The following CFAP43 variants were observed in gnomAD, a reference collection of about 807,000 sequenced individuals.
CFAP43 encodes the protein cilia and flagella associated protein 43.
A neutral mutation model predicts 218.9 loss-of-function variants in CFAP43; 155 were observed. The ratio of observed to expected loss-of-function variants is 0.71; its 90% CI spans 0.62 to 0.81. The LOEUF (loss-of-function observed/expected upper bound fraction) is 0.81, where lower values mean the gene tolerates loss of function less well. Among genes scored for constraint, CFAP43 ranks in the 30% least tolerant of loss-of-function variants. The pLI, the probability that CFAP43 is intolerant of heterozygous loss-of-function variation, is 0.00. For synonymous variants in CFAP43, 645 were observed against 681.3 expected (o/e 0.95, Z 0.83); for missense variants, 1,778 against 1,954.3 (o/e 0.91, Z 1.70).
At position 104,193,840 on chromosome 10, in the gene CFAP43, C is replaced by A. The variant is rs760729378; in HGVS notation, c.1442+26G>T. On this transcript the variant is annotated intron_variant, in intron 11 of 37. Coordinates refer to ENST00000357060, the MANE Select transcript of CFAP43 (RefSeq NM_025145.7). ...TCAACAGACGGGTGTGACACGGAGC[C>A]GCTCCTGGAGGCAGAAAGGACTTAC... 4 of 1,607,132 alleles carry A rather than the reference C, an allele frequency of 2.5e-6. No individual in the cohort carries two copies. In the South Asian group the frequency reaches 3.3e-5, roughly 13 times the overall value.
intron 18 of CFAP43, 41 bp from the exon 19 acceptor site, chr10:104,179,147 A>G (rs771444649): frequency 4.0e-6 from 6 of 1,499,680 alleles, no homozygotes; most frequent in African/African-American, 1.5e-5. Flanking sequence ...AGCAAGAGAA[A>G]TATCAGACAG....
At position 104,164,222 on chromosome 10, in the gene CFAP43, G is replaced by A. The variant is rs756724258; in HGVS notation, c.3118C>T (p.Arg1040Cys). The stretch of plus-strand genomic sequence containing the variant: ...ATTCGAACATTTCTTTCCTTCACGC[G>A]TGCAATTTCAAACTCTTTTTGTTTA... ...AYKQKEFEIA[R>C]VKERNVRIRE... The change falls in exon 24 of 38, where the codon CGC becomes TGC. Residue 1040 changes from arginine to cysteine, a missense_variant. Transcript: ENST00000357060. 6.2e-6 allele frequency: 10 copies of A among 1,613,714 alleles called. No homozygotes were observed. The highest frequency in any genetic ancestry group is 8.5e-6 in the Non-Finnish European group (10 of 1,179,900).
chr10:104,134,007 G>A (rs1458526954), intron 34 of CFAP43, among the ~76,000 whole-genome samples: 1 of 152,096 alleles, frequency 6.6e-6, no homozygotes, highest in East Asian at 1.9e-4. Flanking sequence ...TTAAATAGCA[G>A]AGCCAATTTA....
chr10:104,156,216 C>G (rs2088534417), intron 27 of CFAP43, among the ~76,000 whole-genome samples: 1 of 152,030 alleles, frequency 6.6e-6, no homozygotes. Flanking sequence ...GACACACCAG[C>G]CTCTTCCCCA....
intron 1 of CFAP43, among the ~76,000 whole-genome samples, chr10:104,231,652 T>C (rs776294844): frequency 3.4e-4 from 52 of 152,054 alleles, no homozygotes; most frequent in Admixed American, 5.2e-4. Flanking sequence ...CACTCTAGAA[T>C]GTAGGGGAAA....
intron 26 of CFAP43, among the ~76,000 whole-genome samples, chr10:104,161,631 GTA>G (rs2088878871): frequency 1.3e-5 from 2 of 152,090 alleles, no homozygotes; most frequent in Non-Finnish European, 2.9e-5. Flanking sequence ...GTCTAACGTG[GTA>G]TGTTTTTGGT....
intron 20 of CFAP43, among the ~76,000 whole-genome samples, chr10:104,169,122 C>A (rs1219399622): frequency 6.6e-6 from 1 of 152,142 alleles, no homozygotes; most frequent in Non-Finnish European, 1.5e-5. Flanking sequence ...GGGTTGCATA[C>A]ACGAGTGAAG....
chr10:104,195,449 A>G (rs1485127073), intron 10 of CFAP43, among the ~76,000 whole-genome samples: 1 of 152,240 alleles, frequency 6.6e-6, no homozygotes, highest in African/African-American at 2.4e-5. Flanking sequence ...CCTTGGTCAC[A>G]TAGACTATGG....
chr10:104,141,107 A>G, intron 33 of CFAP43, 106 bp from the exon 34 acceptor site: 1 of 1,149,058 alleles, frequency 8.7e-7, no homozygotes, highest in Non-Finnish European at 1.2e-6. Flanking sequence ...CATGCTGGAG[A>G]TTAGTGTGGA....
At chr10:104,158,729 T>C (rs2088710731) in intron 27 of CFAP43, among the ~76,000 whole-genome samples, 1 of 152,192 alleles carries the variant, frequency 6.6e-6, no homozygotes, top group Non-Finnish European at 1.5e-5. Context: ...ATTAAGCTTC[T>C]TTTGTATGAT....
intron 32 of CFAP43, 71 bp from the exon 33 acceptor site, chr10:104,142,464 C>T: frequency 2.5e-6 from 3 of 1,178,300 alleles, no homozygotes; most frequent in Non-Finnish European, 3.6e-6. Flanking sequence ...CATCTTTTAA[C>T]TTTTTAAATT....
rs548747966 is a variant in CFAP43 at position 104,210,852 on chromosome 10, G to A, written c.735+1155C>T. Among the ~76,000 whole-genome samples, 15 of 141,504 alleles carry A rather than the reference G, an allele frequency of 1.1e-4. No homozygotes were observed. The South Asian group carries it at 2.1e-3, about 20-fold the overall frequency. 92.8% of individuals were successfully genotyped at this position (141,504 alleles called of 152,430 possible). A position where few individuals can be genotyped will look rare whatever the true frequency, so the allele number is the denominator to read the frequency against. The stretch of plus-strand genomic sequence containing the variant: ...GTCGCCCAGGCTGGAGTGCAGTGGC[G>A]TGATCTCGACTCACTGCAAGTTCTG... On this transcript the variant is annotated intron_variant, in intron 5 of 37. Transcript: ENST00000357060.
chr10:104,210,756 C>A (rs1336881417), intron 5 of CFAP43, among the ~76,000 whole-genome samples: 2 of 147,576 alleles, frequency 1.4e-5, no homozygotes, highest in East Asian at 4.1e-4. Context: ...GGGCCTTGCA[C>A]ATGCAGGTCC....
chr10:104,168,619 G>A lies in CFAP43; in HGVS notation c.2691+125C>T. The A allele has an allele frequency of 4.2e-6, 3 of 716,018 alleles. No homozygotes were observed. In the South Asian group the frequency reaches 5.2e-5, roughly 12 times the overall value. 44.4% of individuals were successfully genotyped at this position (716,018 alleles called of 1,614,324 possible). On this transcript the variant is annotated intron_variant, in intron 21 of 37. Coordinates refer to ENST00000357060, the MANE Select transcript of CFAP43 (RefSeq NM_025145.7). ...CACATCCAGGTGAAATTCAGTATAG[G>A]AAGGGGCAAGCCATGCTCTCAGTGC...
At chr10:104,208,573 T>C (rs191195996) in intron 5 of CFAP43, among the ~76,000 whole-genome samples, 3 of 152,302 alleles carry the variant, frequency 2.0e-5, no homozygotes, top group African/African-American at 7.2e-5. Context: ...TTCTGAGATA[T>C]TTAAAAATAA....
intron 12 of CFAP43, among the ~76,000 whole-genome samples, chr10:104,190,242 G>A (rs937528876): frequency 2.6e-5 from 4 of 151,504 alleles, no homozygotes; most frequent in African/African-American, 4.9e-5. Context: ...TGAAGCAGCA[G>A]TATTGCCTGA....
In CFAP43 at chr10:104,176,814, G is replaced by T. The variant is rs145037835; in HGVS notation, c.2460+2215C>A. On this transcript the variant is annotated intron_variant, in intron 19 of 37. Transcript: ENST00000357060. ...AATACCCACCCAGGATGGTTACATG[G>T]GAATGAAATAACCTTCTCATCACTG... Among the ~76,000 whole-genome samples the T allele has an allele frequency of 1.5e-3, 226 of 151,840 alleles. 1 individual carries two copies. Among genetic ancestry groups the T allele is most frequent in the African/African-American group, 5.3e-3 (219 of 41,308 alleles).
intron 3 of CFAP43, chr10:104,218,694 C>A: frequency 4.1e-6 from 2 of 491,008 alleles, no homozygotes; most frequent in Non-Finnish European, 4.2e-6. Context: ...GCAATGATCT[C>A]TTTCATGCAA....
At chr10:104,152,522 G>T (rs1453864304) in intron 28 of CFAP43, 85 bp downstream of exon 28, 80 of 1,564,976 alleles carry the variant, frequency 5.1e-5, no homozygotes, top group Non-Finnish European at 6.8e-5. Context: ...CTTAGTACCT[G>T]GTAAGGATGT....
Sources: gnomAD v4.1 joint callset for allele counts (sites outside exome capture counted in the v4.1 genomes callset) on GRCh38, gnomAD v4.1.1 for gene constraint, MANE v1.5 for transcripts, NCBI Gene and HGNC (gene_info 2026-07-23, HGNC 2026-07-21) for gene names.